The following PPARGC1A variants were observed in gnomAD, a reference collection of about 807,000 sequenced individuals.
The protein encoded by PPARGC1A is peroxisome proliferator-activated receptor gamma coactivator 1-alpha.
In PPARGC1A, 25 loss-of-function variants were observed where a neutral mutation model predicts 88.7. That is an observed-to-expected ratio of 0.28 (90% CI 0.21 to 0.39). The LOEUF is 0.39. Among genes scored for constraint, PPARGC1A ranks in the 10% least tolerant of loss-of-function variants. The pLI is 1.00. For missense variants in PPARGC1A, 880 were observed against 968.7 expected, an observed-to-expected ratio of 0.91 and a Z score of 1.22; for synonymous variants, 363 against 355.6, an observed-to-expected ratio of 1.02 and a Z score of -0.24.
In PPARGC1A at chr4:23,812,798, C is replaced by T. The variant is rs1393189834; in HGVS notation, c.1968G>A (p.Lys656=). Residue 656 remains lysine (K), a synonymous_variant, in exon 10 of 13, where the codon AAG becomes AAA. Coordinates refer to ENST00000264867, the MANE Select transcript of PPARGC1A (RefSeq NM_013261.5). ...KREEYRREYE[K]RESERAKQRE... ...TTTGCTTGGCCCTCTCAGACTCTCG[C>T]TTCTCATACTCTCTGCGATATTCTT... 6.2e-7 allele frequency: 1 copy of T among 1,614,030 alleles called. No homozygotes were observed. Among genetic ancestry groups the T allele is most frequent in the Non-Finnish European group, 8.5e-7 (1 of 1,179,984 alleles).
the PPARGC1A span, among the ~76,000 whole-genome samples, chr4:24,274,546 C>T: frequency 1.3e-5 from 2 of 152,354 alleles, no homozygotes; most frequent in South Asian, 4.1e-4. Context: ...TATTTATCTA[C>T]ACTGAAATTG....
the PPARGC1A span, among the ~76,000 whole-genome samples, chr4:24,096,760 A>G: frequency 2.7e-3 from 416 of 152,270 alleles, 5 homozygotes; most frequent in East Asian, 0.051. Context: ...TTCCTTACCC[A>G]CTGTTTTTCC....
the PPARGC1A span, among the ~76,000 whole-genome samples, chr4:24,386,578 A>T: frequency 6.6e-6 from 1 of 152,190 alleles, no homozygotes; most frequent in Non-Finnish European, 1.5e-5. Flanking sequence ...ACAAATCACA[A>T]GCATTCCTAT....
the PPARGC1A span, among the ~76,000 whole-genome samples, chr4:24,461,024 A>G: frequency 6.6e-6 from 1 of 152,158 alleles, no homozygotes; most frequent in African/African-American, 2.4e-5. Flanking sequence ...GCTGGGCTCA[A>G]GCCATCCTCC....
At chr4:24,363,837 T>A in the PPARGC1A span, among the ~76,000 whole-genome samples, 1 of 152,236 alleles carries the variant, frequency 6.6e-6, no homozygotes, top group Non-Finnish European at 1.5e-5. Flanking sequence ...GGAGCAGAAT[T>A]AATGTCGAGG....
the PPARGC1A span, among the ~76,000 whole-genome samples, chr4:24,456,202 A>G: frequency 1.3e-5 from 2 of 152,194 alleles, no homozygotes; most frequent in East Asian, 3.9e-4. Context: ...TCCTAATTTT[A>G]TTGAGTCATA....
chr4:24,351,225 T>C, the PPARGC1A span, among the ~76,000 whole-genome samples: 1 of 41,728 alleles, frequency 2.4e-5, no homozygotes, highest in Non-Finnish European at 4.7e-5. Flanking sequence ...AGCAAACCCT[T>C]GTATTTAAAA....
chr4:24,012,566 A>G, the PPARGC1A span, among the ~76,000 whole-genome samples: 1 of 151,814 alleles, frequency 6.6e-6, no homozygotes, highest in South Asian at 2.1e-4. Flanking sequence ...CCTGCTTCAT[A>G]ACACTTTCCA....
the PPARGC1A span, among the ~76,000 whole-genome samples, chr4:23,999,686 A>C: frequency 6.6e-6 from 1 of 152,222 alleles, no homozygotes; most frequent in Non-Finnish European, 1.5e-5. Context: ...CTGAATGTCA[A>C]AATGGGAATT....
chr4:24,046,447 G>A, the PPARGC1A span, among the ~76,000 whole-genome samples: 2 of 152,064 alleles, frequency 1.3e-5, no homozygotes. Flanking sequence ...CTTTGGTTCA[G>A]GCCCTCTTTG....
chr4:23,849,112 C>T (rs981048074), intron 2 of PPARGC1A, among the ~76,000 whole-genome samples: 1 of 152,104 alleles, frequency 6.6e-6, no homozygotes, highest in African/African-American at 2.4e-5. Context: ...CCACTGCACT[C>T]CAGCCTGGGC....
chr4:24,467,504 C>A, the PPARGC1A span, among the ~76,000 whole-genome samples: 2 of 151,940 alleles, frequency 1.3e-5, no homozygotes, highest in Admixed American at 1.3e-4. Flanking sequence ...TCCGGGGATG[C>A]CAACATTGTC....
chr4:23,904,831 G>A (rs530713299), upstream of PPARGC1A, among the ~76,000 whole-genome samples: 26 of 152,280 alleles, frequency 1.7e-4, 1 homozygote, highest in African/African-American at 4.8e-4. Context: ...ACCCCATAAC[G>A]TGTGTATAAA....
In PPARGC1A at chr4:23,792,160, C is replaced by T. The variant is rs573892551; in HGVS notation, c.*3662G>A. 7 of 152,644 alleles carry T rather than the reference C, an allele frequency of 4.6e-5. No individual in the cohort carries two copies. In the South Asian group the frequency reaches 1.2e-3, roughly 27 times the overall value. The allele number at this position is 152,644 out of a possible 1,614,324, so 9.5% of individuals were successfully genotyped here. A position where few individuals can be genotyped will look rare whatever the true frequency, so the allele number is the denominator to read the frequency against. ...AGAATTGGCAGGTGGAAAAAAGGCC[C>T]GGCAAGGGCTCAACTAATCGCTCAC... On this transcript the variant is annotated 3_prime_UTR_variant, in exon 13 of 13. Transcript: ENST00000264867.
At chr4:23,933,167 A>T in the PPARGC1A span, among the ~76,000 whole-genome samples, 1 of 152,164 alleles carries the variant, frequency 6.6e-6, no homozygotes, top group Non-Finnish European at 1.5e-5. Context: ...CCTTTCCAGA[A>T]GCCAGGCGGA....
chr4:24,382,413 A>C, the PPARGC1A span, among the ~76,000 whole-genome samples: 3 of 152,226 alleles, frequency 2.0e-5, no homozygotes, highest in East Asian at 5.8e-4. Flanking sequence ...TAATGTTCTT[A>C]TAAGAACTTT....
In PPARGC1A at chr4:23,855,828, T is replaced by C. The variant is rs7657517; in HGVS notation, c.235-24077A>G. Among the ~76,000 whole-genome samples the C allele has an allele frequency of 5.3e-5, 8 of 152,004 alleles. No homozygotes were observed. The East Asian group carries it at 1.4e-3, about 26-fold the overall frequency. On this transcript the variant is annotated intron_variant, in intron 2 of 12. Coordinates refer to ENST00000264867, the MANE Select transcript of PPARGC1A (RefSeq NM_013261.5). Reference sequence around the variant, plus strand: ...GGTGTTGGTGGTTTGGGAGAAGTGATGTAGGAGGGGAAGTCTGGATTGTTA... The same window carrying C: ...GGTGTTGGTGGTTTGGGAGAAGTGACGTAGGAGGGGAAGTCTGGATTGTTA...
chr4:24,375,738 T>A, the PPARGC1A span, among the ~76,000 whole-genome samples: 1 of 151,958 alleles, frequency 6.6e-6, no homozygotes, highest in Admixed American at 6.6e-5. Flanking sequence ...TAGACAAAAA[T>A]GGAGATAGCC....
At chr4:24,250,677 A>G in the PPARGC1A span, among the ~76,000 whole-genome samples, 1 of 152,166 alleles carries the variant, frequency 6.6e-6, no homozygotes, top group Non-Finnish European at 1.5e-5. Flanking sequence ...ATAACTTCCA[A>G]ATAGCACAGG....
Sources: gnomAD v4.1 joint callset for allele counts (sites outside exome capture counted in the v4.1 genomes callset) on GRCh38, gnomAD v4.1.1 for gene constraint, MANE v1.5 for transcripts, NCBI Gene and HGNC (gene_info 2026-07-23, HGNC 2026-07-21) for gene names.